NRXN1: variants seen among roughly 807,000 people sequenced by gnomAD.
NRXN1 encodes the protein neurexin-1.
In NRXN1, 39 loss-of-function variants were observed where a neutral mutation model predicts 150.9. That is an observed-to-expected ratio of 0.26 (90% CI 0.20 to 0.34). The LOEUF (loss-of-function observed/expected upper bound fraction) is 0.34. NRXN1 is among the 10% of genes least tolerant of loss of function. The probability of loss-of-function intolerance (pLI) is 1.00; values close to 1 mark genes in which losing one functional copy is unlikely to be tolerated. For synonymous variants in NRXN1, 924 were observed against 757.0 expected, an observed-to-expected ratio of 1.22 and a Z score of -3.62; for missense variants, 1,815 against 1,949.9, an observed-to-expected ratio of 0.93 and a Z score of 1.30.
intron 5 of NRXN1, among the ~76,000 whole-genome samples, chr2:50,895,168 A>G (rs1681728210): frequency 6.6e-6 from 1 of 152,116 alleles, no homozygotes; most frequent in African/African-American, 2.4e-5. Flanking sequence ...TACATCTCAA[A>G]CGCTGTAAGA....
intron 8 of NRXN1, among the ~76,000 whole-genome samples, chr2:50,561,753 A>C (rs1044324480): frequency 2.6e-5 from 4 of 152,170 alleles, no homozygotes; most frequent in African/African-American, 9.7e-5. Context: ...AGACAGATAT[A>C]AAAGTCCTGA....
At chr2:50,413,708 A>G (rs1281686647) in intron 17 of NRXN1, among the ~76,000 whole-genome samples, 3 of 152,176 alleles carry the variant, frequency 2.0e-5, no homozygotes, top group Admixed American at 1.3e-4. Context: ...GGAAATCAGT[A>G]TATCAAAGAG....
intron 5 of NRXN1, among the ~76,000 whole-genome samples, chr2:50,875,821 T>A (rs114246334): frequency 6.6e-6 from 1 of 151,890 alleles, no homozygotes; most frequent in African/African-American, 2.4e-5. Flanking sequence ...TCTAGCTCAA[T>A]CAATTCTGAT....
intron 17 of NRXN1, among the ~76,000 whole-genome samples, chr2:50,422,345 T>C (rs986267665): frequency 2.0e-5 from 3 of 152,082 alleles, no homozygotes; most frequent in African/African-American, 7.2e-5. Flanking sequence ...AAAAACATTT[T>C]AATAAGGACA....
intron 5 of NRXN1, among the ~76,000 whole-genome samples, chr2:50,766,715 C>T (rs1348377629): frequency 6.6e-6 from 1 of 151,938 alleles, no homozygotes; most frequent in African/African-American, 2.4e-5. Flanking sequence ...TAAGGTCCCA[C>T]CAGTAGATAA....
intron 21 of NRXN1, among the ~76,000 whole-genome samples, chr2:49,986,278 A>G (rs1680896400): frequency 6.6e-6 from 1 of 152,196 alleles, no homozygotes; most frequent in African/African-American, 2.4e-5. Flanking sequence ...AGACATACAT[A>G]TTGTTTATGT....
intron 5 of NRXN1, among the ~76,000 whole-genome samples, chr2:50,645,403 C>T (rs535423201): frequency 6.6e-5 from 10 of 151,966 alleles, no homozygotes; most frequent in Admixed American, 6.6e-4. Flanking sequence ...GAATTAATAG[C>T]ACCTGCATCT....
chr2:50,548,151 T>C (rs900742922), intron 9 of NRXN1: 1 of 152,170 alleles, frequency 6.6e-6, no homozygotes, highest in Non-Finnish European at 1.5e-5. Context: ...CTTACTGTGG[T>C]TGCATATCCC....
intron 5 of NRXN1, among the ~76,000 whole-genome samples, chr2:50,725,505 A>C (rs1279697950): frequency 6.6e-6 from 1 of 152,180 alleles, no homozygotes; most frequent in Non-Finnish European, 1.5e-5. Context: ...CAGCAAGTAA[A>C]TTGCAGAGAA....
At chr2:50,088,933 T>A (rs866170883) in intron 19 of NRXN1, among the ~76,000 whole-genome samples, 11 of 152,168 alleles carry the variant, frequency 7.2e-5, no homozygotes, top group African/African-American at 2.2e-4. Context: ...ATAGACATTT[T>A]TGAAAACATA....
chr2:50,896,794 C>A (rs1442417252), intron 5 of NRXN1, among the ~76,000 whole-genome samples: 1 of 151,868 alleles, frequency 6.6e-6, no homozygotes, highest in Admixed American at 6.6e-5. Context: ...TTGCAGTGAG[C>A]CAGGATTGTG....
In NRXN1 at chr2:50,327,992, A is replaced by G. The variant is rs562975280; in HGVS notation, c.3365-91022T>C. Among the ~76,000 whole-genome samples the G allele has an allele frequency of 4.6e-5, 7 of 151,884 alleles. No individual in the cohort carries two copies. In the East Asian group the frequency reaches 1.2e-3, roughly 25 times the overall value. Reference sequence around the variant, plus strand: ...GCCACTTATTTTTCTTCTTTTTCTTATATTTTTTATATGTGTATTCTGATT... The same window carrying G: ...GCCACTTATTTTTCTTCTTTTTCTTGTATTTTTTATATGTGTATTCTGATT... On this transcript the variant is annotated intron_variant, in intron 17 of 22. Transcript: ENST00000401669.
At chr2:50,730,672 C>CTTTTTTTTTTTTTTTTTTT (rs56042523) in intron 5 of NRXN1, among the ~76,000 whole-genome samples, 6 of 122,010 alleles carry the variant, frequency 4.9e-5, no homozygotes, top group Non-Finnish European at 6.5e-5. Context: ...TTCTTGTTTT[C>CTTTTTTTTTTTTTTTTTTT]TTTTTTTTTT....
At chr2:50,426,445 T>C (rs906078717) in intron 17 of NRXN1, among the ~76,000 whole-genome samples, 4 of 152,230 alleles carry the variant, frequency 2.6e-5, no homozygotes, top group South Asian at 2.1e-4. Flanking sequence ...ATGTATTTTA[T>C]AAATGAATTT....
intron 16 of NRXN1, among the ~76,000 whole-genome samples, chr2:50,471,095 A>G (rs2089411937): frequency 6.6e-6 from 1 of 151,412 alleles, no homozygotes; most frequent in Non-Finnish European, 1.5e-5. Flanking sequence ...ACTTATTTTT[A>G]TTTTACTTTT....
At chr2:50,142,811 G>T (rs955013644) in intron 18 of NRXN1, among the ~76,000 whole-genome samples, 3 of 151,706 alleles carry the variant, frequency 2.0e-5, no homozygotes, top group African/African-American at 7.3e-5. Context: ...AAGAGGTGTG[G>T]CATTAAGGGA....
chr2:50,193,747 A>G (rs73932982), intron 18 of NRXN1, among the ~76,000 whole-genome samples: 2,945 of 152,274 alleles, frequency 0.019, 100 homozygotes, highest in African/African-American at 0.068. Flanking sequence ...AATGGGGTCA[A>G]TTATTGGCAT....
chr2:49,971,871 C>G lies in NRXN1; in HGVS notation c.4129-28080G>C, dbSNP rs528963472. 1.2e-4 allele frequency among the ~76,000 whole-genome samples: 19 copies of G among 152,028 alleles called. No homozygotes were observed. The East Asian group carries it at 2.9e-3, about 23-fold the overall frequency. On this transcript the variant is annotated intron_variant, in intron 21 of 22. Transcript: ENST00000401669. Reference sequence around the variant, plus strand: ...AAAGTAAAAATTTTTTTCTTCTTGTCTAAGTCATAATTTCTTGTCAAGCCA... The same window carrying G: ...AAAGTAAAAATTTTTTTCTTCTTGTGTAAGTCATAATTTCTTGTCAAGCCA...
chr2:50,196,380 T>A (rs868696554), intron 18 of NRXN1, among the ~76,000 whole-genome samples: 20 of 152,268 alleles, frequency 1.3e-4, no homozygotes, highest in Non-Finnish European at 1.6e-4. Flanking sequence ...CTAAACACCA[T>A]CAAAAATTGT....
Sources: gnomAD v4.1 joint callset for allele counts (sites outside exome capture counted in the v4.1 genomes callset) on GRCh38, gnomAD v4.1.1 for gene constraint, MANE v1.5 for transcripts, NCBI Gene and HGNC (gene_info 2026-07-23, HGNC 2026-07-21) for gene names.